TENM3: variants seen among roughly 807,000 people sequenced by gnomAD.
TENM3 encodes the protein teneurin transmembrane protein 3.
Under a neutral mutation model 255.1 loss-of-function variants are expected in TENM3, and 63 were observed. The observed-to-expected ratio is 0.25, with a 90% CI of 0.20 to 0.30. The LOEUF (loss-of-function observed/expected upper bound fraction) is 0.30. TENM3 is among the 10% of genes least tolerant of loss of function. The pLI is 1.00. For missense variants in TENM3, 2,929 were observed against 3,461.1 expected, an observed-to-expected ratio of 0.85 and a Z score of 3.86; for synonymous variants, 1,306 against 1,322.3, an observed-to-expected ratio of 0.99 and a Z score of 0.27.
intron 3 of TENM3, among the ~76,000 whole-genome samples, chr4:182,432,865 T>TGTGTGTGTGTGTGTG (rs1554066043): frequency 6.6e-5 from 10 of 151,482 alleles, no homozygotes; most frequent in Admixed American, 1.3e-4. Flanking sequence ...TGTGTGTGTG[T>TGTGTGTGTGTGTGTG]TTTAGTAGAG....
At chr4:182,773,084 G>T (rs1764392683) in intron 22 of TENM3, among the ~76,000 whole-genome samples, 2 of 152,198 alleles carry the variant, frequency 1.3e-5, no homozygotes, top group African/African-American at 4.8e-5. Context: ...GAGTAAGTCA[G>T]TAAATCTTTA....
At chr4:182,349,828 AT>A in intron 3 of TENM3, 1 of 365,158 alleles carries the variant, frequency 2.7e-6, no homozygotes, top group South Asian at 2.1e-5. Flanking sequence ...TCTTTTATTC[AT>A]TTTTATACTA....
At chr4:182,495,125 C>T (rs1259838059) in intron 3 of TENM3, among the ~76,000 whole-genome samples, 1 of 152,198 alleles carries the variant, frequency 6.6e-6, no homozygotes, top group Non-Finnish European at 1.5e-5. Context: ...CCGCCTTCCT[C>T]CTTTAAGACA....
At chr4:181,548,052 A>G in the TENM3 span, among the ~76,000 whole-genome samples, 1 of 151,872 alleles carries the variant, frequency 6.6e-6, no homozygotes, top group Non-Finnish European at 1.5e-5. Flanking sequence ...AAGTGAGAAT[A>G]TGCGGTGTCT....
At chr4:181,755,484 TAA>T in the TENM3 span, among the ~76,000 whole-genome samples, 2,997 of 152,202 alleles carry the variant, frequency 0.02, 73 homozygotes, top group African/African-American at 0.063. Context: ...CTTAAAAGGA[TAA>T]GAGCCAATTA....
chr4:182,374,585 A>T (rs1417643498), intron 3 of TENM3, among the ~76,000 whole-genome samples: 1 of 152,108 alleles, frequency 6.6e-6, no homozygotes, highest in African/African-American at 2.4e-5. Flanking sequence ...CCAAAATTTC[A>T]AGTTCATTAG....
the TENM3 span, among the ~76,000 whole-genome samples, chr4:181,880,414 A>G: frequency 6.6e-6 from 1 of 152,234 alleles, no homozygotes; most frequent in African/African-American, 2.4e-5. Context: ...AAATAAACAT[A>G]TGAATGTTAA....
At chr4:182,797,462 TAATA>T (rs1452453863) in intron 27 of TENM3, among the ~76,000 whole-genome samples, 4 of 152,034 alleles carry the variant, frequency 2.6e-5, no homozygotes, top group South Asian at 4.2e-4. Flanking sequence ...ATTAATTAAT[TAATA>T]GTGTTTCATA....
At chr4:182,224,656 C>T (rs1756034900) in intron 1 of TENM3, among the ~76,000 whole-genome samples, 1 of 151,878 alleles carries the variant, frequency 6.6e-6, no homozygotes, top group Non-Finnish European at 1.5e-5. Flanking sequence ...CATAATAGGC[C>T]CTGTCATGCC....
chr4:182,334,092 A>C (rs1763947913), intron 2 of TENM3, among the ~76,000 whole-genome samples: 1 of 152,162 alleles, frequency 6.6e-6, no homozygotes, highest in Admixed American at 6.5e-5. Flanking sequence ...GTTGAGGATA[A>C]AATGAGTTAA....
rs532512493 is a variant in TENM3, at chr4:182,656,948, G to A, written c.1111+3055G>A. On this transcript the variant is annotated intron_variant, in intron 6 of 27. Transcript: ENST00000511685. ...AGATTTTAGAGATGAGTTATCAGAA[G>A]CGTAGGGTCTTAGACAAAACTGATG... Among the ~76,000 whole-genome samples the A allele has an allele frequency of 1.5e-4, 23 of 152,248 alleles. 3 individuals carry two copies. In the South Asian group the frequency reaches 4.8e-3, roughly 32 times the overall value.
intron 3 of TENM3, among the ~76,000 whole-genome samples, chr4:182,527,917 G>A (rs1321768911): frequency 6.6e-6 from 1 of 151,806 alleles, no homozygotes; most frequent in Non-Finnish European, 1.5e-5. Flanking sequence ...TAGTAGAGAC[G>A]AAGTTTCACC....
intron 3 of TENM3, among the ~76,000 whole-genome samples, chr4:182,492,070 A>G (rs979461950): frequency 1.3e-5 from 2 of 152,186 alleles, no homozygotes; most frequent in Non-Finnish European, 2.9e-5. Context: ...AGTATAGAAA[A>G]GAAAGCAGGT....
chr4:182,378,380 A>G (rs144304879), intron 3 of TENM3, among the ~76,000 whole-genome samples: 73 of 152,340 alleles, frequency 4.8e-4, no homozygotes, highest in African/African-American at 1.6e-3. Flanking sequence ...ATGTACGCAC[A>G]CTGCATACAA....
the TENM3 span, among the ~76,000 whole-genome samples, chr4:181,594,567 A>G: frequency 6.6e-6 from 1 of 152,134 alleles, no homozygotes; most frequent in Admixed American, 6.5e-5. Context: ...AGATCTCTCA[A>G]TATCAAGAAC....
the TENM3 span, among the ~76,000 whole-genome samples, chr4:181,492,555 T>C: frequency 3.9e-5 from 6 of 152,238 alleles, no homozygotes; most frequent in Non-Finnish European, 8.8e-5. Context: ...GGTGCTTCTT[T>C]TAAAATATTA....
At chr4:182,055,349 C>CAAATA in the TENM3 span, among the ~76,000 whole-genome samples, 1 of 148,900 alleles carries the variant, frequency 6.7e-6, no homozygotes, top group Admixed American at 6.7e-5. Context: ...TGTCTCAAAA[C>CAAATA]AATAAATAAA....
At chr4:181,939,702 T>G in the TENM3 span, among the ~76,000 whole-genome samples, 1 of 152,194 alleles carries the variant, frequency 6.6e-6, no homozygotes, top group Non-Finnish European at 1.5e-5. Context: ...TATAAGGGGT[T>G]GGGGTGCGGG....
the TENM3 span, among the ~76,000 whole-genome samples, chr4:181,642,790 G>C: frequency 6.6e-6 from 1 of 152,098 alleles, no homozygotes; most frequent in African/African-American, 2.4e-5. Flanking sequence ...GTTTTTGTCA[G>C]GTTTGTCAAA....
Sources: allele counts gnomAD v4.1 joint callset (sites outside exome capture counted in the v4.1 genomes callset), GRCh38; gene constraint gnomAD v4.1.1; transcripts MANE v1.5; gene names NCBI Gene and HGNC (gene_info 2026-07-23, HGNC 2026-07-21).